The following KCNH5 variants were observed in gnomAD, a reference collection of about 807,000 sequenced individuals.
The protein encoded by KCNH5 is potassium voltage-gated channel subfamily H member 5, also known as voltage-gated delayed rectifier potassium channel KCNH5.
In KCNH5, 46 loss-of-function variants were observed where a neutral mutation model predicts 96.1. The observed-to-expected ratio is 0.48, with a 90% CI of 0.38 to 0.61. The LOEUF is 0.61. Among genes scored for constraint, KCNH5 ranks in the 20% least tolerant of loss-of-function variants. The pLI, the probability that KCNH5 is intolerant of heterozygous loss-of-function variation, is 0.00. For missense variants in KCNH5, 907 were observed against 1,225.8 expected, an observed-to-expected ratio of 0.74 and a Z score of 3.88; for synonymous variants, 439 against 449.8, an observed-to-expected ratio of 0.98 and a Z score of 0.30.
chr14:62,748,847 A>G (rs1432615130), intron 10 of KCNH5, among the ~76,000 whole-genome samples: 1 of 152,144 alleles, frequency 6.6e-6, no homozygotes, highest in African/African-American at 2.4e-5. Context: ...AAAGAGTACA[A>G]CTGCAATATA....
chr14:62,924,673 G>A (rs185885794), intron 7 of KCNH5, among the ~76,000 whole-genome samples: 59 of 151,964 alleles, frequency 3.9e-4, no homozygotes, highest in African/African-American at 1.3e-3. Context: ...CAATAACATG[G>A]ATGAACCTGG....
At chr14:62,953,936 T>C (rs1442727573) in intron 6 of KCNH5, among the ~76,000 whole-genome samples, 1 of 152,184 alleles carries the variant, frequency 6.6e-6, no homozygotes, top group Non-Finnish European at 1.5e-5. Context: ...ATATAAACTC[T>C]TTTCATGTTG....
chr14:62,944,035 G>A (rs2140125434), intron 7 of KCNH5, among the ~76,000 whole-genome samples: 1 of 152,214 alleles, frequency 6.6e-6, no homozygotes, highest in African/African-American at 2.4e-5. Context: ...GTGGAATTAG[G>A]GGAAGGCCTA....
chr14:62,749,420 C>T (rs766435619), intron 10 of KCNH5, among the ~76,000 whole-genome samples: 10 of 152,186 alleles, frequency 6.6e-5, no homozygotes, highest in Non-Finnish European at 1.3e-4. Context: ...CTAAGGAGAA[C>T]TTGATAGGGT....
Position 62,708,458 on chromosome 14 carries a change from GT to G in KCNH5, c.2020-4del. The stretch of plus-strand genomic sequence containing the variant: ...TCACTGATCTTACGAAAGATGATCT[GT>G]GGAACGGGAGAGATAGTCACAGCCT... On this transcript the variant is annotated splice_region_variant and splice_polypyrimidine_tract_variant and intron_variant, in intron 10 of 10. Coordinates refer to ENST00000322893, the MANE Select transcript of KCNH5 (RefSeq NM_139318.5). 1 of 1,577,064 alleles carries G rather than the reference GT, an allele frequency of 6.3e-7. No homozygotes were observed. The highest frequency in any genetic ancestry group is 8.6e-7 in the Non-Finnish European group (1 of 1,160,722).
intron 2 of KCNH5, among the ~76,000 whole-genome samples, chr14:63,009,736 C>A (rs1317409725): frequency 6.6e-6 from 1 of 152,094 alleles, no homozygotes; most frequent in African/African-American, 2.4e-5. Flanking sequence ...TCAATGATTC[C>A]CGCATTCTCT....
At chr14:63,008,619 A>AC (rs1891170394) in intron 2 of KCNH5, among the ~76,000 whole-genome samples, 1 of 152,098 alleles carries the variant, frequency 6.6e-6, no homozygotes, top group Non-Finnish European at 1.5e-5. Context: ...AAAAAGGAAA[A>AC]TTTTAATTGT....
intron 3 of KCNH5, among the ~76,000 whole-genome samples, chr14:63,002,744 A>G (rs1040745588): frequency 4.6e-5 from 7 of 152,208 alleles, no homozygotes; most frequent in African/African-American, 1.7e-4. Flanking sequence ...TAGAGAAAGG[A>G]GATTTCTATG....
chr14:62,750,315 A>G (rs558128687), intron 10 of KCNH5, among the ~76,000 whole-genome samples: 2 of 152,354 alleles, frequency 1.3e-5, no homozygotes, highest in African/African-American at 4.8e-5. Context: ...GAGTAGAGTC[A>G]TGCAACTACT....
intron 7 of KCNH5, among the ~76,000 whole-genome samples, chr14:62,929,880 C>T (rs1018855294): frequency 2.0e-5 from 3 of 152,010 alleles, no homozygotes; most frequent in African/African-American, 7.2e-5. Context: ...AGCTCCCATG[C>T]AGAATTTAGT....
At position 62,931,802 on chromosome 14, in the gene KCNH5, C is replaced by A. The variant is rs547455547; in HGVS notation, c.1369+18331G>T. Among the ~76,000 whole-genome samples the A allele has an allele frequency of 2.6e-5, 4 of 152,220 alleles. No homozygotes were observed. The South Asian group carries it at 8.3e-4, about 32-fold the overall frequency. The stretch of plus-strand genomic sequence containing the variant: ...GATGCCTTCCCTAATTCCACAGAGC[C>A]AGTCAATTTCCCTTTTCACACTTCA... On this transcript the variant is annotated intron_variant, in intron 7 of 10. Coordinates refer to ENST00000322893, the MANE Select transcript of KCNH5 (RefSeq NM_139318.5).
chr14:62,961,138 T>C (rs1002801424), intron 6 of KCNH5, among the ~76,000 whole-genome samples: 3 of 152,094 alleles, frequency 2.0e-5, no homozygotes, highest in East Asian at 1.9e-4. Flanking sequence ...GCAAACCAAA[T>C]TGGGGATGCT....
chr14:62,850,325 C>A (rs1887779635), intron 7 of KCNH5, among the ~76,000 whole-genome samples: 1 of 152,060 alleles, frequency 6.6e-6, no homozygotes, highest in South Asian at 2.1e-4. Flanking sequence ...GGAATACCTC[C>A]CTGGTTATAA....
chr14:63,039,912 G>A (rs1297253345), intron 1 of KCNH5, among the ~76,000 whole-genome samples: 6 of 151,958 alleles, frequency 3.9e-5, no homozygotes, highest in Admixed American at 3.9e-4. Context: ...AGGGGGAGGT[G>A]GGAGAACAGA....
chr14:62,895,326 C>T (rs1888789076), intron 7 of KCNH5, among the ~76,000 whole-genome samples: 1 of 151,300 alleles, frequency 6.6e-6, no homozygotes, highest in Admixed American at 6.6e-5. Context: ...ATTCATTCAG[C>T]ATCATGACTT....
At position 63,009,380 on chromosome 14, in the gene KCNH5, T is replaced by C. The variant is rs149229420; in HGVS notation, c.198-2908A>G. Among the ~76,000 whole-genome samples the C allele has an allele frequency of 6.9e-3, 1,056 of 152,252 alleles. 8 individuals are homozygous for C. Among genetic ancestry groups the C allele is most frequent in the Non-Finnish European group, 0.011 (739 of 67,998 alleles). ...ATAAAAATTTCATAATACACCTCCA[T>C]TAGTTAGTCCTTCCAATGCTAAAAT... On this transcript the variant is annotated intron_variant, in intron 2 of 10. Coordinates refer to ENST00000322893, the MANE Select transcript of KCNH5 (RefSeq NM_139318.5).
chr14:62,910,316 G>T (rs1566704451), intron 7 of KCNH5, among the ~76,000 whole-genome samples: 1 of 151,924 alleles, frequency 6.6e-6, no homozygotes, highest in African/African-American at 2.4e-5. Context: ...ATTAGAGAAA[G>T]GAAAACAGAT....
At chr14:62,906,096 A>C (rs755304402) in intron 7 of KCNH5, among the ~76,000 whole-genome samples, 2 of 152,240 alleles carry the variant, frequency 1.3e-5, no homozygotes, top group Non-Finnish European at 2.9e-5. Flanking sequence ...TCAGCATTTT[A>C]ATATCTAGAC....
intron 7 of KCNH5, among the ~76,000 whole-genome samples, chr14:62,909,334 C>A (rs549538238): frequency 6.6e-6 from 1 of 152,008 alleles, no homozygotes; most frequent in African/African-American, 2.4e-5. Flanking sequence ...CGTGAGCCAC[C>A]GCGCCCGGCC....
Sources: allele counts gnomAD v4.1 joint callset (sites outside exome capture counted in the v4.1 genomes callset), GRCh38; gene constraint gnomAD v4.1.1; transcripts MANE v1.5; gene names NCBI Gene and HGNC (gene_info 2026-07-23, HGNC 2026-07-21).